ARHGAP10: variants seen among roughly 807,000 people sequenced by gnomAD.
ARHGAP10 encodes the protein Rho GTPase activating protein 10.
A neutral mutation model predicts 108.6 loss-of-function variants in ARHGAP10; 87 were observed. That is an observed-to-expected ratio of 0.80 (90% CI 0.67 to 0.96). The LOEUF is 0.96. Among genes scored for constraint, ARHGAP10 ranks in the 40% least tolerant of loss-of-function variants. ARHGAP10 has a pLI of 0.00. For missense variants in ARHGAP10, 939 were observed against 954.5 expected, an observed-to-expected ratio of 0.98 and a Z score of 0.21; for synonymous variants, 347 against 341.1, an observed-to-expected ratio of 1.02 and a Z score of -0.19.
intron 3 of ARHGAP10, among the ~76,000 whole-genome samples, chr4:147,823,168 G>A (rs574709041): frequency 1.3e-3 from 193 of 152,268 alleles, no homozygotes; most frequent in African/African-American, 4.5e-3. Context: ...TGGGCCTCTC[G>A]ACCAAGGCCT....
intron 18 of ARHGAP10, among the ~76,000 whole-genome samples, chr4:147,975,935 G>C (rs1028506215): frequency 3.9e-5 from 6 of 152,134 alleles, no homozygotes; most frequent in African/African-American, 1.4e-4. Context: ...TCTTTGCCAC[G>C]ATCAGTAGAA....
intron 1 of ARHGAP10, among the ~76,000 whole-genome samples, chr4:147,752,998 C>T (rs1729224676): frequency 6.6e-6 from 1 of 152,100 alleles, no homozygotes; most frequent in African/African-American, 2.4e-5. Context: ...AGTAAATTTT[C>T]TCCAGATTCA....
intron 9 of ARHGAP10, among the ~76,000 whole-genome samples, chr4:147,880,664 AGTT>A (rs1259076516): frequency 1.4e-4 from 21 of 152,350 alleles, no homozygotes; most frequent in African/African-American, 4.3e-4. Flanking sequence ...CACTTTATAT[AGTT>A]GTTCTTTTAC....
At chr4:148,023,544 G>T in intron 19 of ARHGAP10, 131 bp downstream of exon 19, 1 of 1,086,232 alleles carries the variant, frequency 9.2e-7, no homozygotes, top group Non-Finnish European at 1.2e-6. Context: ...ATAATTTTGA[G>T]ATTTACAGGG....
At chr4:147,737,140 T>C (rs1310208774) in intron 1 of ARHGAP10, among the ~76,000 whole-genome samples, 1 of 152,104 alleles carries the variant, frequency 6.6e-6, no homozygotes, top group East Asian at 1.9e-4. Context: ...TTATTTATTA[T>C]TATTTTTAGA....
At chr4:147,962,760 T>C (rs1186965731) in intron 16 of ARHGAP10, among the ~76,000 whole-genome samples, 3 of 152,122 alleles carry the variant, frequency 2.0e-5, no homozygotes, top group Admixed American at 1.3e-4. Flanking sequence ...GCCTCCTGGG[T>C]TCAGGCACTT....
At chr4:147,852,695 A>C (rs1733919102) in intron 4 of ARHGAP10, among the ~76,000 whole-genome samples, 1 of 147,468 alleles carries the variant, frequency 6.8e-6, no homozygotes, top group Non-Finnish European at 1.5e-5. Context: ...GTCTCAGAAC[A>C]TCACCAAACT....
At chr4:147,840,782 T>C (rs1733380464) in intron 3 of ARHGAP10, among the ~76,000 whole-genome samples, 1 of 152,198 alleles carries the variant, frequency 6.6e-6, no homozygotes. Context: ...TACTTTTGAG[T>C]CCCTCTCTTT....
chr4:147,989,645 C>T (rs975021757), intron 18 of ARHGAP10, among the ~76,000 whole-genome samples: 7 of 152,294 alleles, frequency 4.6e-5, no homozygotes, highest in South Asian at 4.1e-4. Flanking sequence ...AGCTCACCGG[C>T]GGTCAGAGTT....
At chr4:148,022,578 G>A (rs1741608697) in intron 18 of ARHGAP10, among the ~76,000 whole-genome samples, 1 of 152,214 alleles carries the variant, frequency 6.6e-6, no homozygotes, top group Non-Finnish European at 1.5e-5. Context: ...CTCAAAAGAA[G>A]AAATTTGCTA....
chr4:147,999,717 G>A (rs1262309877), intron 18 of ARHGAP10, among the ~76,000 whole-genome samples: 4 of 152,104 alleles, frequency 2.6e-5, no homozygotes, highest in African/African-American at 9.7e-5. Flanking sequence ...TGGAATCCGT[G>A]AGGCCAAGAA....
At chr4:147,799,599 A>T (rs1251898213) in intron 1 of ARHGAP10, among the ~76,000 whole-genome samples, 1 of 152,080 alleles carries the variant, frequency 6.6e-6, no homozygotes, top group African/African-American at 2.4e-5. Flanking sequence ...TTTTCATCCT[A>T]CTATTGAGCA....
intron 3 of ARHGAP10, among the ~76,000 whole-genome samples, chr4:147,837,017 C>T (rs761188755): frequency 3.9e-5 from 6 of 152,120 alleles, no homozygotes; most frequent in Non-Finnish European, 8.8e-5. Context: ...GCCCTCGTAG[C>T]GAAATCGATT....
rs74790012 is a variant in ARHGAP10, at chr4:147,775,861, A to G, written c.154+43406A>G. 8.1e-3 allele frequency among the ~76,000 whole-genome samples: 1,234 copies of G among 152,292 alleles called. 14 individuals carry two copies. The highest frequency in any genetic ancestry group is 0.028 in the African/African-American group (1,161 of 41,544). On this transcript the variant is annotated intron_variant, in intron 1 of 22. Transcript: ENST00000336498. ...CTAATACTGATAGAATGCTTACTAT[A>G]TACCAGATATTGTCATGAGATATAA...
intron 1 of ARHGAP10, among the ~76,000 whole-genome samples, chr4:147,741,490 T>A (rs766262482): frequency 6.6e-6 from 1 of 152,126 alleles, no homozygotes; most frequent in African/African-American, 2.4e-5. Context: ...ATAAACACAA[T>A]GTACATGGAG....
intron 3 of ARHGAP10, among the ~76,000 whole-genome samples, chr4:147,834,988 GGTACTTAGCATT>G (rs1437237515): frequency 1.5e-4 from 23 of 152,036 alleles, no homozygotes; most frequent in African/African-American, 5.3e-4. Context: ...AAAGATTCAG[GGTACTTAGCATT>G]GTCATTCATC....
chr4:147,905,851 CT>C (rs1439986741), intron 10 of ARHGAP10, among the ~76,000 whole-genome samples: 7 of 151,946 alleles, frequency 4.6e-5, no homozygotes, highest in African/African-American at 1.7e-4. Flanking sequence ...GATATTGATT[CT>C]TCCTATCCAT....
At chr4:147,919,655 C>G (rs1000301440) in intron 13 of ARHGAP10, among the ~76,000 whole-genome samples, 1 of 152,056 alleles carries the variant, frequency 6.6e-6, no homozygotes, top group African/African-American at 2.4e-5. Flanking sequence ...TCAGTGCAGC[C>G]TCCGTCTCCG....
At chr4:148,041,822 A>G (rs1190059671) in intron 19 of ARHGAP10, among the ~76,000 whole-genome samples, 1 of 152,226 alleles carries the variant, frequency 6.6e-6, no homozygotes, top group East Asian at 1.9e-4. Context: ...AATATTTGCA[A>G]AAGAACACTG....
Sources: gnomAD v4.1 joint callset for allele counts (sites outside exome capture counted in the v4.1 genomes callset) on GRCh38, gnomAD v4.1.1 for gene constraint, MANE v1.5 for transcripts, NCBI Gene and HGNC (gene_info 2026-07-23, HGNC 2026-07-21) for gene names.